Variants in ING5 observed in about 807,000 individuals in gnomAD.
ING5 encodes the protein inhibitor of growth family member 5.
Under a neutral mutation model 37.4 loss-of-function variants are expected in ING5, and 17 were observed. The observed-to-expected ratio is 0.45, with a 90% CI of 0.31 to 0.68. The LOEUF (loss-of-function observed/expected upper bound fraction) is 0.68, where lower values mean the gene tolerates loss of function less well. Among genes scored for constraint, ING5 ranks in the 30% least tolerant of loss-of-function variants. ING5 has a pLI of 0.05. For missense variants in ING5, 233 were observed against 311.9 expected (o/e 0.75, Z 1.91); for synonymous variants, 123 against 116.6 (o/e 1.06, Z -0.36).
intron 1 of ING5, among the ~76,000 whole-genome samples, chr2:241,688,946 C>T (rs1170763898): frequency 1.3e-5 from 2 of 152,010 alleles, no homozygotes; most frequent in African/African-American, 2.4e-5. Context: ...CTACAGGTGC[C>T]CACCATCATG....
chr2:241,725,097 CCCTT>C lies in ING5; in HGVS notation c.*71_*74del. ...TCCCTTCATTCGTGTCGCAATATTTCCCTTCCTTTTAAAACTACCTTGTTCGGTT... is the reference window on the plus strand; with the variant it reads ...TCCCTTCATTCGTGTCGCAATATTTCCCTTTTAAAACTACCTTGTTCGGTT... On this transcript the variant is annotated 3_prime_UTR_variant, in exon 8 of 8. Coordinates refer to ENST00000313552, the MANE Select transcript of ING5 (RefSeq NM_032329.6). 6.5e-7 allele frequency: 1 copy of C among 1,537,984 alleles called. No individual in the cohort carries two copies. The highest frequency in any genetic ancestry group is 2.2e-5 in the East Asian group (1 of 44,504).
At chr2:241,698,469 A>G (rs1329527258), upstream of ING5, among the ~76,000 whole-genome samples, 1 of 150,818 alleles carries the variant, frequency 6.6e-6, no homozygotes, top group Admixed American at 6.7e-5. Flanking sequence ...AATGTATCAC[A>G]TTAATGCAAA....
upstream of ING5, chr2:241,701,960 A>G (rs538560471): frequency 6.9e-6 from 5 of 722,442 alleles, no homozygotes; most frequent in East Asian, 1.2e-4. Context: ...GGCGCGACCA[A>G]TCAGCGCGCG....
intron 2 of ING5, among the ~76,000 whole-genome samples, chr2:241,693,252 CAAAA>C (rs748452347): frequency 6.7e-5 from 4 of 59,340 alleles, no homozygotes; most frequent in African/African-American, 1.1e-4. Context: ...GAGACTGTCT[CAAAA>C]AAAAAAAAAA....
chr2:241,695,850 T>C (rs971952499), intron 2 of ING5, among the ~76,000 whole-genome samples: 3 of 152,222 alleles, frequency 2.0e-5, no homozygotes, highest in African/African-American at 7.2e-5. Flanking sequence ...TAAAGTCTGA[T>C]ACACCACTAC....
chr2:241,689,409 C>T (rs558945875), intron 1 of ING5, among the ~76,000 whole-genome samples: 2 of 152,216 alleles, frequency 1.3e-5, no homozygotes, highest in South Asian at 2.1e-4. Context: ...TGCACCTGGC[C>T]TACCCTTTCT....
chr2:241,709,112 A>G (rs2070020778), intron 2 of ING5, 104 bp from the exon 3 acceptor site: 14 of 1,252,118 alleles, frequency 1.1e-5, no homozygotes, highest in South Asian at 1.4e-5. Context: ...GTCAGCCTAC[A>G]TCTTTGCCAC....
At chr2:241,687,226 C>T (rs1052622322) in exon 1 of ING5, 9 of 396,946 alleles carry the variant, frequency 2.3e-5, no homozygotes, top group Non-Finnish European at 3.6e-5. Context: ...CTCTCAGGGC[C>T]CTGCGGTGCC....
At chr2:241,722,917 G>T (rs2070466307) in intron 5 of ING5, 22 bp from the exon 6 acceptor site, 2 of 1,612,886 alleles carry the variant, frequency 1.2e-6, no homozygotes, top group African/African-American at 2.7e-5. Context: ...CTTCAGTGGT[G>T]CCTGTGCCCT....
chr2:241,702,927 G>A (rs1575120791), intron 1 of ING5, among the ~76,000 whole-genome samples: 1 of 152,340 alleles, frequency 6.6e-6, no homozygotes, highest in East Asian at 1.9e-4. Context: ...GCCCTTGTGG[G>A]GGCGCTGCAC....
chr2:241,700,150 GTTTTTTTTT>G (rs780209565), upstream of ING5, among the ~76,000 whole-genome samples: 2 of 73,310 alleles, frequency 2.7e-5, no homozygotes, highest in African/African-American at 5.3e-5. Flanking sequence ...GCCCGGCTAA[GTTTTTTTTT>G]TTTTTTTTTT....
At chr2:241,709,065 G>A in intron 2 of ING5, 151 bp from the exon 3 acceptor site, 1 of 774,980 alleles carries the variant, frequency 1.3e-6, no homozygotes, top group Non-Finnish European at 2.1e-6. Context: ...GAACGGTTCT[G>A]CCCACTTGCG....
intron 2 of ING5, among the ~76,000 whole-genome samples, chr2:241,693,272 A>C (rs1368609659): frequency 2.0e-5 from 3 of 150,862 alleles, no homozygotes; most frequent in Non-Finnish European, 4.4e-5. Context: ...AAAAAAAAAA[A>C]GCAAAGCTCC....
Position 241,713,989 on chromosome 2 carries a change from C to CAAA in ING5, c.482+1932_482+1934dup, listed in dbSNP as rs781230058. Among the ~76,000 whole-genome samples the CAAA allele has an allele frequency of 1.4e-4, 15 of 104,606 alleles. No individual in the cohort carries two copies. In the East Asian group the frequency reaches 2.7e-3, roughly 19 times the overall value. The allele number at this position is 104,606 out of a possible 152,430, so 68.6% of individuals were successfully genotyped here. ...TGGGTGACAGAGCAAAACTCCGTCT[C>CAAA]AAAAAAAAAAAAAAAATCCCAACAT... On this transcript the variant is annotated intron_variant, in intron 5 of 7. Coordinates refer to ENST00000313552, the MANE Select transcript of ING5 (RefSeq NM_032329.6).
intron 5 of ING5, among the ~76,000 whole-genome samples, chr2:241,718,495 C>A (rs1277580439): frequency 6.7e-6 from 1 of 149,440 alleles, no homozygotes; most frequent in African/African-American, 2.5e-5. Flanking sequence ...TGGCTCACTG[C>A]AAGCTCCGCC....
chr2:241,699,038 T>TGGGGGGGGGGG (rs570586792), upstream of ING5, among the ~76,000 whole-genome samples: 2 of 139,042 alleles, frequency 1.4e-5, no homozygotes, highest in African/African-American at 6.1e-5. Flanking sequence ...AATTTTTTTT[T>TGGGGGGGGGGG]GGGGGGGGAG....
chr2:241,729,119 C>T lies in ING5; in HGVS notation c.*4088C>T, dbSNP rs1487540170. 6.6e-6 allele frequency: 1 copy of T among 152,502 alleles called. No homozygotes were observed. The highest frequency in any genetic ancestry group is 1.9e-4 in the East Asian group (1 of 5,202). The allele number at this position is 152,502 out of a possible 1,614,324, so 9.4% of individuals were successfully genotyped here. A position where few individuals can be genotyped will look rare whatever the true frequency, so the allele number is the denominator to read the frequency against. ...ATGGGCATTGAAGACTTAAGGTTTT[C>T]TTAAATTTTTAGTGAGCAGTGATTG... On this transcript the variant is annotated 3_prime_UTR_variant, in exon 8 of 8. Transcript: ENST00000313552.
chr2:241,694,875 TA>T (rs2069608836), intron 2 of ING5, among the ~76,000 whole-genome samples: 1 of 58,784 alleles, frequency 1.7e-5, no homozygotes, highest in African/African-American at 6.2e-5. Context: ...AAAAAATTGG[TA>T]GGGCTTGGTG....
Position 241,704,705 on chromosome 2 carries a change from G to A in ING5, c.90G>A (p.Glu30=). The A allele has an allele frequency of 6.2e-7, 1 of 1,614,132 alleles. No homozygotes were observed. The highest frequency in any genetic ancestry group is 8.5e-7 in the Non-Finnish European group (1 of 1,179,954). The change falls in exon 2 of 8, where the codon GAG becomes GAA. Residue 30 remains glutamate, a synonymous_variant. Coordinates refer to ENST00000313552, the MANE Select transcript of ING5 (RefSeq NM_032329.6). ...AGAGGAACTTCCAGCTGATGCGAGA[G>A]CTGGACCAGAGGACGGAAGGTGGGT... ...ELQRNFQLMR[E]LDQRTEDKKA...
Sources: allele counts gnomAD v4.1 joint callset (sites outside exome capture counted in the v4.1 genomes callset), GRCh38; gene constraint gnomAD v4.1.1; transcripts MANE v1.5; gene names NCBI Gene and HGNC (gene_info 2026-07-23, HGNC 2026-07-21).